The following VWA3B variants were observed in gnomAD, a reference collection of about 807,000 sequenced individuals.
The protein encoded by VWA3B is von Willebrand factor A domain-containing protein 3B.
Under a neutral mutation model 158.3 loss-of-function variants are expected in VWA3B, and 138 were observed. The ratio of observed to expected loss-of-function variants is 0.87; its 90% CI spans 0.76 to 1.00. VWA3B has a LOEUF of 1.00. Ranked by LOEUF, VWA3B falls within the 50% of genes least tolerant of loss-of-function variation. VWA3B has a pLI of 0.00. For missense variants in VWA3B, 1,555 were observed against 1,565.1 expected, an observed-to-expected ratio of 0.99 and a Z score of 0.11; for synonymous variants, 596 against 587.3, an observed-to-expected ratio of 1.01 and a Z score of -0.21.
At chr2:98,218,058 G>A (rs767882845) in intron 14 of VWA3B, 30 bp downstream of exon 14, 1 of 1,568,454 alleles carries the variant, frequency 6.4e-7, no homozygotes, top group South Asian at 1.2e-5. Context: ...AGAAGGGAGT[G>A]TTCATTTGTT....
intron 26 of VWA3B, among the ~76,000 whole-genome samples, chr2:98,307,940 C>T (rs887153130): frequency 1.4e-4 from 21 of 152,302 alleles, no homozygotes; most frequent in Non-Finnish European, 1.8e-4. Flanking sequence ...GGGAGCCTTT[C>T]CTCCAGGTCT....
chr2:98,105,391 T>C (rs1683366066), intron 2 of VWA3B, among the ~76,000 whole-genome samples: 2 of 152,218 alleles, frequency 1.3e-5, no homozygotes, highest in Non-Finnish European at 2.9e-5. Flanking sequence ...AATGAGGAAT[T>C]TGACATGTAT....
intron 21 of VWA3B, among the ~76,000 whole-genome samples, chr2:98,259,809 T>C (rs1413971475): frequency 6.6e-6 from 1 of 151,680 alleles, no homozygotes; most frequent in Admixed American, 6.6e-5. Context: ...TTTTTCTAGG[T>C]CCTTAAGGTG....
At chr2:98,218,245 A>G (rs1361995608) in intron 14 of VWA3B, among the ~76,000 whole-genome samples, 2 of 152,238 alleles carry the variant, frequency 1.3e-5, no homozygotes, top group Non-Finnish European at 2.9e-5. Flanking sequence ...ATCCCATTTC[A>G]GAGATGCTAA....
intron 8 of VWA3B, among the ~76,000 whole-genome samples, chr2:98,165,727 T>C (rs767675131): frequency 9.9e-5 from 15 of 152,096 alleles, no homozygotes; most frequent in Non-Finnish European, 2.1e-4. Context: ...AGGGCACTGG[T>C]TGCTGTGGTT....
downstream of VWA3B, among the ~76,000 whole-genome samples, chr2:98,317,947 T>C (rs949724343): frequency 1.3e-5 from 2 of 152,232 alleles, no homozygotes; most frequent in Admixed American, 6.5e-5. Flanking sequence ...AAAATAAAGC[T>C]ATGGGGAGGA....
intron 1 of VWA3B, among the ~76,000 whole-genome samples, chr2:98,090,339 A>C (rs1380632564): frequency 6.6e-6 from 1 of 152,202 alleles, no homozygotes; most frequent in Non-Finnish European, 1.5e-5. Flanking sequence ...CTTGGGATGA[A>C]AGTGGGTCTC....
At chr2:98,145,443 A>G (rs1359333860) in intron 7 of VWA3B, among the ~76,000 whole-genome samples, 1 of 152,206 alleles carries the variant, frequency 6.6e-6, no homozygotes, top group African/African-American at 2.4e-5. Flanking sequence ...CCAAATTCAC[A>G]TAACTATTAA....
chr2:98,220,360 A>C (rs1053447656), intron 14 of VWA3B, among the ~76,000 whole-genome samples: 11 of 152,168 alleles, frequency 7.2e-5, no homozygotes, highest in African/African-American at 2.7e-4. Flanking sequence ...TATGTAAAAA[A>C]AAATTCTTAT....
chr2:98,117,968 C>T (rs1674658850), intron 3 of VWA3B, among the ~76,000 whole-genome samples: 1 of 152,078 alleles, frequency 6.6e-6, no homozygotes, highest in Non-Finnish European at 1.5e-5. Context: ...AACTCCTGAC[C>T]TCGGGTGATT....
At chr2:98,204,674 G>T (rs1682862695) in intron 12 of VWA3B, among the ~76,000 whole-genome samples, 1 of 152,190 alleles carries the variant, frequency 6.6e-6, no homozygotes, top group Non-Finnish European at 1.5e-5. Context: ...TAGGCTTTTT[G>T]TGTGTGTGCT....
chr2:98,227,335 C>T (rs938877864), intron 14 of VWA3B, among the ~76,000 whole-genome samples: 1 of 152,146 alleles, frequency 6.6e-6, no homozygotes, highest in Non-Finnish European at 1.5e-5. Context: ...ATACAGCTTA[C>T]AAGGGACGTG....
intron 20 of VWA3B, among the ~76,000 whole-genome samples, chr2:98,254,604 A>G (rs1458422737): frequency 1.3e-5 from 2 of 152,150 alleles, no homozygotes; most frequent in Non-Finnish European, 2.9e-5. Flanking sequence ...CTCTTTTTCT[A>G]TCACTTAGAG....
chr2:98,318,446 T>C, the VWA3B span, among the ~76,000 whole-genome samples: 1 of 152,170 alleles, frequency 6.6e-6, no homozygotes, highest in Admixed American at 6.5e-5. Flanking sequence ...TGGAGGCCAT[T>C]GTCCTCAGCA....
intron 19 of VWA3B, among the ~76,000 whole-genome samples, chr2:98,247,994 T>G (rs961089009): frequency 2.6e-5 from 4 of 152,124 alleles, no homozygotes; most frequent in African/African-American, 2.4e-5. Flanking sequence ...GTACTATCTA[T>G]CACCCAGTTC....
intron 7 of VWA3B, among the ~76,000 whole-genome samples, chr2:98,153,080 C>T (rs1445965255): frequency 6.6e-6 from 1 of 152,178 alleles, no homozygotes; most frequent in African/African-American, 2.4e-5. Context: ...ACTAATCTGT[C>T]CATCATTGCT....
intron 20 of VWA3B, among the ~76,000 whole-genome samples, chr2:98,254,308 A>G (rs572423746): frequency 4.4e-4 from 67 of 152,252 alleles, no homozygotes; most frequent in African/African-American, 1.3e-3. Context: ...TTGAACCCAG[A>G]GCCCTTACCA....
intron 25 of VWA3B, among the ~76,000 whole-genome samples, chr2:98,301,670 C>T (rs188901079): frequency 6.6e-6 from 1 of 152,260 alleles, no homozygotes; most frequent in Admixed American, 6.5e-5. Context: ...TTGATTTGCT[C>T]ATTGGACGGA....
Position 98,242,622 on chromosome 2 carries a change from A to G in VWA3B, c.2673+5892A>G, listed in dbSNP as rs564329850. Reference sequence around the variant, plus strand: ...GTCCGTCCTTCTCCGGGTTCTGCACATAGCTTTGTGGCCAGATAGCCTGGA... The same window carrying G: ...GTCCGTCCTTCTCCGGGTTCTGCACGTAGCTTTGTGGCCAGATAGCCTGGA... On this transcript the variant is annotated intron_variant, in intron 19 of 27. Coordinates refer to ENST00000477737, the MANE Select transcript of VWA3B (RefSeq NM_144992.5). Among the ~76,000 whole-genome samples, 48 of 150,788 alleles carry G rather than the reference A, an allele frequency of 3.2e-4. 1 individual carries two copies. Among genetic ancestry groups the G allele is most frequent in the Non-Finnish European group, 6.3e-4 (43 of 67,800 alleles).
Sources: allele counts gnomAD v4.1 joint callset (sites outside exome capture counted in the v4.1 genomes callset), GRCh38; gene constraint gnomAD v4.1.1; transcripts MANE v1.5; gene names NCBI Gene and HGNC (gene_info 2026-07-23, HGNC 2026-07-21).